Variants in VAV2 observed in about 807,000 individuals in gnomAD.
VAV2 encodes the protein guanine nucleotide exchange factor VAV2.
In VAV2, 67 loss-of-function variants were observed where a neutral mutation model predicts 132.5. That is an observed-to-expected ratio of 0.51 (90% CI 0.42 to 0.62). The LOEUF (loss-of-function observed/expected upper bound fraction) is 0.62, where lower values mean the gene tolerates loss of function less well. VAV2 is among the 20% of genes least tolerant of loss of function. The pLI is 0.00. For synonymous variants in VAV2, 492 were observed against 443.5 expected (o/e 1.11, Z -1.37); for missense variants, 938 against 1,153.6 (o/e 0.81, Z 2.71).
chr9:133,853,027 C>T (rs150867850), intron 3 of VAV2, among the ~76,000 whole-genome samples: 1 of 152,322 alleles, frequency 6.6e-6, no homozygotes, highest in East Asian at 1.9e-4. Context: ...CCATAGTCAC[C>T]CTATTCACAG....
intron 2 of VAV2, among the ~76,000 whole-genome samples, chr9:133,888,124 C>T (rs2789853): frequency 0.66 from 100,282 of 152,046 alleles, 34,621 homozygotes; most frequent in Middle Eastern, 0.87. Flanking sequence ...AGGAGGTCCC[C>T]GCAGGACTCT....
chr9:133,987,661 C>G (rs1842898433), intron 1 of VAV2, among the ~76,000 whole-genome samples: 1 of 152,168 alleles, frequency 6.6e-6, no homozygotes, highest in Non-Finnish European at 1.5e-5. Flanking sequence ...GCCACCAGGA[C>G]GATGTGGGCA....
chr9:133,809,158 G>C lies in VAV2; in HGVS notation c.568-20C>G. The C allele has an allele frequency of 6.2e-7, 1 of 1,610,202 alleles. No individual in the cohort carries two copies. The highest frequency in any genetic ancestry group is 8.5e-7 in the Non-Finnish European group (1 of 1,176,932). ...CATTTTCTAGAGGAGGGAAGGGGGA[G>C]TCAGCAGGACCCCATGGGCCCGGCC... On this transcript the variant is annotated intron_variant, in intron 6 of 29. Coordinates refer to ENST00000371850, the MANE Select transcript of VAV2 (RefSeq NM_001134398.2).
At position 133,815,042 on chromosome 9, in the gene VAV2, G is replaced by A. The variant is rs993343088; in HGVS notation, c.450-2826C>T. Among the ~76,000 whole-genome samples, 19 of 152,244 alleles carry A rather than the reference G, an allele frequency of 1.2e-4. 1 individual carries two copies. In the South Asian group the frequency reaches 2.1e-3, roughly 17 times the overall value. On this transcript the variant is annotated intron_variant, in intron 4 of 29. Coordinates refer to ENST00000371850, the MANE Select transcript of VAV2 (RefSeq NM_001134398.2). ...ACTGATCCCGGGATGGAAGAGGCAC[G>A]AGCTCCATCTGGAGCCCAAACATAT...
rs953357571 is a variant in VAV2, at chr9:133,826,953, G to A, written c.449+7319C>T. ...CACGGCGCTCTGTGGCACCCAATCC[G>A]GGTGCCCTTTCCAAATCCTCCTCCA... On this transcript the variant is annotated intron_variant, in intron 4 of 29. Transcript: ENST00000371850. This position sits in a 1 kb window ranked among gnomAD's most constrained non-coding sequence, Gnocchi z 4.2. Among the ~76,000 whole-genome samples, 2 of 152,086 alleles carry A rather than the reference G, an allele frequency of 1.3e-5. No homozygotes were observed. Among genetic ancestry groups the A allele is most frequent in the Non-Finnish European group, 2.9e-5 (2 of 68,034 alleles).
chr9:133,987,471 C>T (rs1376191370), intron 1 of VAV2, among the ~76,000 whole-genome samples: 3 of 152,214 alleles, frequency 2.0e-5, no homozygotes, highest in Non-Finnish European at 4.4e-5. Flanking sequence ...CTCACGATGG[C>T]ACACATCAAA....
intron 1 of VAV2, among the ~76,000 whole-genome samples, chr9:133,976,295 T>A (rs1471003600): frequency 3.9e-5 from 6 of 152,072 alleles, no homozygotes; most frequent in Non-Finnish European, 5.9e-5. Context: ...ATGGGGTCCC[T>A]CAACCCCTGA....
intron 2 of VAV2, among the ~76,000 whole-genome samples, chr9:133,888,012 AGGGTAGACCCTGCCCAGGAGCACCCCTT>A (rs1158877712): frequency 6.6e-6 from 1 of 152,220 alleles, no homozygotes; most frequent in Non-Finnish European, 1.5e-5. Flanking sequence ...CTTAGGCTGA[AGGGTAGACCCTGCCCAGGAGCACCCCTT>A]GGATGAGCCT....
At chr9:133,771,439 A>C (rs656702) in intron 26 of VAV2, among the ~76,000 whole-genome samples, 57,905 of 152,030 alleles carry the variant, frequency 0.38, 13,495 homozygotes, top group East Asian at 0.88. Context: ...GGGGGCTCTA[A>C]TCAGGAGTTC....
At chr9:133,913,524 G>A (rs563962648) in intron 2 of VAV2, among the ~76,000 whole-genome samples, 2 of 152,322 alleles carry the variant, frequency 1.3e-5, no homozygotes, top group South Asian at 2.1e-4. Flanking sequence ...AGAAATGACC[G>A]ATCCTTTGCC....
chr9:133,990,287 C>T (rs10993884), intron 1 of VAV2, among the ~76,000 whole-genome samples: 40,862 of 152,066 alleles, frequency 0.27, 6,065 homozygotes, highest in Middle Eastern at 0.4. Context: ...CGTCCACCCC[C>T]CAGCAGCAGG....
chr9:133,900,796 T>TTTAC (rs1839410291), intron 2 of VAV2, among the ~76,000 whole-genome samples: 1 of 151,682 alleles, frequency 6.6e-6, no homozygotes, highest in East Asian at 1.9e-4. Flanking sequence ...TATTTATTTA[T>TTTAC]TTATTTATTT....
intron 9 of VAV2, among the ~76,000 whole-genome samples, chr9:133,798,993 T>A (rs991427872): frequency 1.3e-5 from 2 of 152,216 alleles, no homozygotes; most frequent in African/African-American, 4.8e-5. Context: ...GGGCCATTTC[T>A]CTTTCCATCA....
In VAV2 at chr9:133,769,304, A is replaced by C; in HGVS notation, c.2434+113T>G. ...CCCTCCACCCAGTGCCAGACTGCGG[A>C]CAACTGTGGCCACGTCAGGCAGGGC... On this transcript the variant is annotated intron_variant, in intron 28 of 29. Coordinates refer to ENST00000371850, the MANE Select transcript of VAV2 (RefSeq NM_001134398.2). This position sits in a 1 kb window ranked among gnomAD's most constrained non-coding sequence, Gnocchi z 8.1. 8.6e-7 allele frequency: 1 copy of C among 1,159,376 alleles called. No individual in the cohort carries two copies. The highest frequency in any genetic ancestry group is 2.9e-4 in the Middle Eastern group (1 of 3,486). The allele number at this position is 1,159,376 out of a possible 1,614,324, so 71.8% of individuals were successfully genotyped here. A position where few individuals can be genotyped will look rare whatever the true frequency, so the allele number is the denominator to read the frequency against.
intron 1 of VAV2, among the ~76,000 whole-genome samples, chr9:133,944,676 G>T (rs1841295902): frequency 1.3e-5 from 2 of 152,246 alleles, no homozygotes; most frequent in South Asian, 4.1e-4. Context: ...GGATGCAAAA[G>T]GGCAGCAGGC....
At chr9:133,955,063 C>T (rs1011788000) in intron 1 of VAV2, among the ~76,000 whole-genome samples, 1 of 152,016 alleles carries the variant, frequency 6.6e-6, no homozygotes, top group African/African-American at 2.4e-5. Context: ...CCACAGACAC[C>T]CACACCATGA....
chr9:133,819,845 A>C (rs1835715881), intron 4 of VAV2, among the ~76,000 whole-genome samples: 1 of 152,220 alleles, frequency 6.6e-6, no homozygotes. Context: ...CACATATTCT[A>C]AATGATGAGA....
chr9:133,980,213 A>G (rs1842650201), intron 1 of VAV2, among the ~76,000 whole-genome samples: 1 of 152,104 alleles, frequency 6.6e-6, no homozygotes, highest in South Asian at 2.1e-4. Flanking sequence ...TTGCCGGTGG[A>G]GGGGGGAAGT....
intron 2 of VAV2, among the ~76,000 whole-genome samples, chr9:133,886,056 C>T (rs1838690993): frequency 6.6e-6 from 1 of 152,184 alleles, no homozygotes; most frequent in Non-Finnish European, 1.5e-5. Flanking sequence ...GCGGGAAGGC[C>T]CAGCCGGGCC....
Sources: gnomAD v4.1 joint callset for allele counts (sites outside exome capture counted in the v4.1 genomes callset) on GRCh38, gnomAD v4.1.1 for gene constraint, Gnocchi (gnomAD v3.1) non-coding constraint, MANE v1.5 for transcripts, NCBI Gene and HGNC (gene_info 2026-07-23, HGNC 2026-07-21) for gene names.